Variants in EPB41L4A observed in about 807,000 individuals in gnomAD.
EPB41L4A encodes band 4.1-like protein 4A.
EPB41L4A carries 100 observed loss-of-function variants against 108.6 expected under a neutral mutation model. That is an observed-to-expected ratio of 0.92 (90% CI 0.78 to 1.09). The LOEUF is 1.09. Ranked by LOEUF, EPB41L4A falls within the 50% of genes least tolerant of loss-of-function variation. EPB41L4A has a pLI of 0.00. For missense variants in EPB41L4A, 1,030 were observed against 842.7 expected (o/e 1.22, Z -2.75); for synonymous variants, 319 against 289.0 (o/e 1.10, Z -1.05).
intron 1 of EPB41L4A, among the ~76,000 whole-genome samples, chr5:112,390,141 G>C (rs534739997): frequency 6.6e-6 from 1 of 152,204 alleles, no homozygotes; most frequent in Non-Finnish European, 1.5e-5. Context: ...CACAGAAGAC[G>C]GGTGACTTCT....
chr5:112,409,288 T>C (rs578066042), intron 1 of EPB41L4A, among the ~76,000 whole-genome samples: 1 of 152,158 alleles, frequency 6.6e-6, no homozygotes, highest in East Asian at 1.9e-4. Context: ...CACAAAACTA[T>C]AGAGACAGAA....
intron 2 of EPB41L4A, among the ~76,000 whole-genome samples, chr5:112,294,924 C>T (rs575338689): frequency 2.6e-4 from 40 of 152,298 alleles, no homozygotes; most frequent in Non-Finnish European, 3.5e-4. Context: ...ATCAAAGTCG[C>T]CTTTCTGAAA....
chr5:112,277,997 T>C (rs1181892392), intron 3 of EPB41L4A, among the ~76,000 whole-genome samples: 1 of 152,194 alleles, frequency 6.6e-6, no homozygotes, highest in African/African-American at 2.4e-5. Context: ...ATATTTTGTG[T>C]AGACTAATTT....
chr5:112,357,124 G>C (rs1758406944), intron 1 of EPB41L4A, among the ~76,000 whole-genome samples: 1 of 152,176 alleles, frequency 6.6e-6, no homozygotes, highest in Non-Finnish European at 1.5e-5. Context: ...GATCCAATCA[G>C]TTGAATCCAA....
intron 2 of EPB41L4A, 116 bp from the exon 3 acceptor site, chr5:112,280,439 A>C: frequency 2.2e-6 from 2 of 909,546 alleles, no homozygotes; most frequent in Non-Finnish European, 3.6e-6. Context: ...TCAGTTAAAC[A>C]CTTCTCTCAT....
At chr5:112,284,918 AT>A (rs1200531255) in intron 2 of EPB41L4A, among the ~76,000 whole-genome samples, 1 of 152,136 alleles carries the variant, frequency 6.6e-6, no homozygotes, top group East Asian at 1.9e-4. Flanking sequence ...AATTTCATCA[AT>A]TTCCTTGGTA....
downstream of EPB41L4A, among the ~76,000 whole-genome samples, chr5:112,160,344 A>G (rs1323486864): frequency 6.6e-6 from 1 of 152,086 alleles, no homozygotes; most frequent in Non-Finnish European, 1.5e-5. Context: ...GTAGAATTTC[A>G]GCATCCGGGC....
At chr5:112,358,713 C>A (rs1392213650) in intron 1 of EPB41L4A, among the ~76,000 whole-genome samples, 1 of 152,106 alleles carries the variant, frequency 6.6e-6, no homozygotes, top group Admixed American at 6.5e-5. Flanking sequence ...GGTATACACA[C>A]AAAAGAAATG....
intron 17 of EPB41L4A, among the ~76,000 whole-genome samples, chr5:112,187,380 G>C (rs1761481530): frequency 6.6e-6 from 1 of 152,160 alleles, no homozygotes; most frequent in South Asian, 2.1e-4. Context: ...TTCAGTTAAT[G>C]TATAAGGGAG....
chr5:112,362,288 T>G (rs1054377623), intron 1 of EPB41L4A, among the ~76,000 whole-genome samples: 8 of 150,654 alleles, frequency 5.3e-5, no homozygotes, highest in African/African-American at 1.7e-4. Flanking sequence ...TAATGTTTTT[T>G]TTTTTTTTTT....
At chr5:112,393,937 A>T (rs1277074624) in intron 1 of EPB41L4A, among the ~76,000 whole-genome samples, 1 of 152,208 alleles carries the variant, frequency 6.6e-6, no homozygotes, top group African/African-American at 2.4e-5. Flanking sequence ...GGTTCAACAT[A>T]CGCAAATCAA....
intron 1 of EPB41L4A, among the ~76,000 whole-genome samples, chr5:112,326,063 T>C (rs529213792): frequency 8.5e-5 from 13 of 152,212 alleles, no homozygotes; most frequent in South Asian, 4.1e-4. Context: ...GGCAGGAAGA[T>C]TGCTTGAATC....
intron 1 of EPB41L4A, among the ~76,000 whole-genome samples, chr5:112,324,280 T>C (rs971443972): frequency 2.0e-5 from 3 of 152,210 alleles, no homozygotes; most frequent in African/African-American, 7.2e-5. Context: ...GTAATCAATA[T>C]AGAATTTTAA....
intron 1 of EPB41L4A, among the ~76,000 whole-genome samples, chr5:112,380,439 T>C (rs1163011852): frequency 2.0e-5 from 3 of 152,156 alleles, no homozygotes; most frequent in Non-Finnish European, 4.4e-5. Context: ...TTATATATTC[T>C]ACAAAATGAT....
At position 112,205,422 on chromosome 5, in the gene EPB41L4A, T is replaced by G. The variant is rs188203387; in HGVS notation, c.1261A>C (p.Ser421Arg). 20 of 1,612,622 alleles carry G rather than the reference T, an allele frequency of 1.2e-5. No individual in the cohort carries two copies. In the East Asian group the frequency reaches 4.2e-4, roughly 34 times the overall value. ...TATAAAAACAATGATTCCCTTTACC[T>G]CTGGGGGCCATTTTCTTCCCACGGT... Reference protein sequence around the residue: ...HAPWEENGPQSGLYNSPSDRT... With the variant: ...HAPWEENGPQRGLYNSPSDRT... The change falls in exon 14 of 23, where the codon AGT becomes CGT. Residue 421 changes from serine to arginine, a missense_variant and splice_region_variant. By Grantham distance (110) the Ser-to-Arg change is moderately radical (BLOSUM62 -1). Coordinates refer to ENST00000261486, the MANE Select transcript of EPB41L4A (RefSeq NM_022140.5).
Position 112,163,652 on chromosome 5 carries a change from A to C in EPB41L4A, c.*1338T>G, listed in dbSNP as rs1378932698. On this transcript the variant is annotated 3_prime_UTR_variant, in exon 23 of 23. Transcript: ENST00000261486. Reference sequence around the variant, plus strand: ...GAAAGATCCATGTTAGAGATAGCTTAAGATAGGGATTAGATGAATTGAGGG... The same window carrying C: ...GAAAGATCCATGTTAGAGATAGCTTCAGATAGGGATTAGATGAATTGAGGG... The C allele has an allele frequency of 6.6e-6, 1 of 152,182 alleles. No homozygotes were observed. Among genetic ancestry groups the C allele is most frequent in the Non-Finnish European group, 1.5e-5 (1 of 68,036 alleles). The allele number at this position is 152,182 out of a possible 1,614,324, so 9.4% of individuals were successfully genotyped here. A position where few individuals can be genotyped will look rare whatever the true frequency, so the allele number is the denominator to read the frequency against.
At chr5:112,154,474 T>G (rs916653609) in intron 12 of EPB41L4A, among the ~76,000 whole-genome samples, 2 of 152,238 alleles carry the variant, frequency 1.3e-5, no homozygotes, top group Non-Finnish European at 2.9e-5. Flanking sequence ...AAACATTATC[T>G]TAAAATCAAA....
intron 1 of EPB41L4A, among the ~76,000 whole-genome samples, chr5:112,365,484 T>A (rs192847743): frequency 0.011 from 1,714 of 151,046 alleles, 26 homozygotes; most frequent in South Asian, 0.033. Flanking sequence ...TGATTTTTTT[T>A]AAATCAACTT....
intron 15 of EPB41L4A, among the ~76,000 whole-genome samples, chr5:112,201,833 C>G (rs1012968804): frequency 6.6e-6 from 1 of 152,110 alleles, no homozygotes; most frequent in African/African-American, 2.4e-5. Flanking sequence ...CTATCTCCAC[C>G]TTTTTCAGAT....
Sources: allele counts gnomAD v4.1 joint callset (sites outside exome capture counted in the v4.1 genomes callset), GRCh38; gene constraint gnomAD v4.1.1; transcripts MANE v1.5; gene names NCBI Gene and HGNC (gene_info 2026-07-23, HGNC 2026-07-21).